Variants in SLC4A1 observed in about 807,000 individuals in gnomAD.
SLC4A1 encodes band 3 anion transport protein.
A neutral mutation model predicts 93.1 loss-of-function variants in SLC4A1; 29 were observed. The observed-to-expected ratio is 0.31, with a 90% confidence interval of 0.23 to 0.42. The LOEUF is 0.42. SLC4A1 is among the 20% of genes least tolerant of loss of function. The pLI is 1.00. For synonymous variants in SLC4A1, 469 were observed against 497.2 expected, an observed-to-expected ratio of 0.94 and a Z score of 0.76; for missense variants, 965 against 1,190.1, an observed-to-expected ratio of 0.81 and a Z score of 2.78.
rs1031180777 is a variant in SLC4A1, at chr17:44,253,667, A to AT, written c.2058-297dup. On this transcript the variant is annotated intron_variant, in intron 16 of 19. Transcript: ENST00000262418. ...CCTAATTTTATAGTTGTCATTTTGC[A>AT]TTTTTTTTTCTTTTTCTTTTTTTTC... 2.7e-5 allele frequency among the ~76,000 whole-genome samples: 4 copies of AT among 150,914 alleles called. No individual in the cohort carries two copies. In the South Asian group the frequency reaches 6.3e-4, roughly 24 times the overall value.
rs2047405002 is a variant in SLC4A1, at chr17:44,257,969, C to A, written c.1282+17G>T. On this transcript the variant is annotated intron_variant, in intron 11 of 19. Coordinates refer to ENST00000262418, the MANE Select transcript of SLC4A1 (RefSeq NM_000342.4). ...GGGTCAGAGGCAAGAGTTAGGGAGA[C>A]AGGTATTGGCACTGACCCAGGAGGC... 6.2e-7 allele frequency: 1 copy of A among 1,613,722 alleles called. No homozygotes were observed.
Position 44,255,816 on chromosome 17 carries a change from A to G in SLC4A1, c.1657T>C (p.Tyr553His). 3 of 1,614,130 alleles carry G rather than the reference A, an allele frequency of 1.9e-6. No individual in the cohort carries two copies. The highest frequency in any genetic ancestry group is 2.5e-6 in the Non-Finnish European group (3 of 1,180,006). ...GGCACCATCAACACGTTGTAGTTATAAGTCTTCTGTAGTGGGTGGTCCTGG... is the reference window on the plus strand; with the variant it reads ...GGCACCATCAACACGTTGTAGTTATGAGTCTTCTGTAGTGGGTGGTCCTGG... ...IFQDHPLQKT[Y>H]NYNVLMVPKP... Residue 553 changes from tyrosine (Y) to histidine (H), a missense_variant, in exon 14 of 20, where the codon TAT (tyrosine) becomes CAT (histidine). Tyr to His is a moderately conservative substitution (Grantham distance 83). This residue lies in a region of SLC4A1 where 770 missense variants were observed against 1,006.6 expected (regional missense o/e 0.76). Transcript: ENST00000262418.
At chr17:44,256,337 G>A (rs1013415350) in intron 13 of SLC4A1, among the ~76,000 whole-genome samples, 4 of 152,228 alleles carry the variant, frequency 2.6e-5, no homozygotes, top group Non-Finnish European at 4.4e-5. Context: ...GTGTGTGTGC[G>A]AGCACACATG....
intron 6 of SLC4A1, among the ~76,000 whole-genome samples, chr17:44,260,188 C>G (rs552190947): frequency 6.6e-6 from 1 of 152,310 alleles, no homozygotes; most frequent in East Asian, 1.9e-4. Context: ...AAGGGCCTTG[C>G]AGGTCTGCCC....
At chr17:44,251,962 G>T (rs1413105804) in intron 17 of SLC4A1, among the ~76,000 whole-genome samples, 1 of 146,614 alleles carries the variant, frequency 6.8e-6, no homozygotes, top group Non-Finnish European at 1.5e-5. Context: ...GGCTAGTCTT[G>T]AACTCCTGGG....
chr17:44,265,077 C>T, intron 1 of SLC4A1, among the ~76,000 whole-genome samples: 1 of 43,662 alleles, frequency 2.3e-5, no homozygotes, highest in East Asian at 7.0e-4. Context: ...TGGGGAGGGG[C>T]TGCTGATCAC....
chr17:44,248,849 GTTTTTTTTTTTTT>G lies in SLC4A1; in HGVS notation c.*1596_*1608del, dbSNP rs57466226. On this transcript the variant is annotated 3_prime_UTR_variant, in exon 20 of 20. Coordinates refer to ENST00000262418, the MANE Select transcript of SLC4A1 (RefSeq NM_000342.4). Reference sequence around the variant, plus strand: ...GCCCCCAAGGCTGATGTTTCCTTCCGTTTTTTTTTTTTTTTTTTTTTTTTTTTTGAGACAGGGT... The same window carrying G: ...GCCCCCAAGGCTGATGTTTCCTTCCGTTTTTTTTTTTTTTTGAGACAGGGT... 11 of 71,762 alleles carry G rather than the reference GTTTTTTTTTTTTT, an allele frequency of 1.5e-4. No homozygotes were observed. The highest frequency in any genetic ancestry group is 2.4e-4 in the Non-Finnish European group (10 of 42,544). The allele number at this position is 71,762 out of a possible 1,614,324, so 4.4% of individuals were successfully genotyped here.
chr17:44,251,499 T>G lies in SLC4A1; in HGVS notation c.2401A>C (p.Ser801Arg), dbSNP rs775095594. The G allele has an allele frequency of 1.9e-5, 30 of 1,614,030 alleles. No homozygotes were observed. The highest frequency in any genetic ancestry group is 2.5e-5 in the Non-Finnish European group (30 of 1,180,028). The change falls in exon 18 of 20, where the codon AGC (serine) becomes CGC (arginine). Residue 801 changes from serine (S) to arginine (R), a missense_variant. By Grantham distance (110) the Ser-to-Arg change is moderately radical. Coordinates refer to ENST00000262418, the MANE Select transcript of SLC4A1 (RefSeq NM_000342.4). ...ATGCGGTCAAAGAGCTGGATGCCGCTGAGCGACGTGACCCCCATGTAGAGG... is the reference window on the plus strand; with the variant it reads ...ATGCGGTCAAAGAGCTGGATGCCGCGGAGCGACGTGACCCCCATGTAGAGG... ...IFLYMGVTSLSGIQLFDRILL... is the reference protein window; with the variant it reads ...IFLYMGVTSLRGIQLFDRILL...
At chr17:44,254,211 G>A (rs2047368317) in intron 16 of SLC4A1, among the ~76,000 whole-genome samples, 1 of 152,040 alleles carries the variant, frequency 6.6e-6, no homozygotes, top group East Asian at 1.9e-4. Flanking sequence ...CCTGACCTCA[G>A]GTGATCTGCC....
Position 44,255,821 on chromosome 17 carries a change from T to A in SLC4A1, c.1652A>T (p.Lys551Met). The A allele has an allele frequency of 6.2e-7, 1 of 1,614,150 alleles. No homozygotes were observed. Among genetic ancestry groups the A allele is most frequent in the Non-Finnish European group, 8.5e-7 (1 of 1,180,030 alleles). Residue 551 changes from lysine to methionine, a missense_variant, in exon 14 of 20, where the codon AAG becomes ATG. This residue lies in a region of SLC4A1 where 770 missense variants were observed against 1,006.6 expected (regional missense o/e 0.76). Coordinates refer to ENST00000262418, the MANE Select transcript of SLC4A1 (RefSeq NM_000342.4). The stretch of plus-strand genomic sequence containing the variant: ...CATCAACACGTTGTAGTTATAAGTC[T>A]TCTGTAGTGGGTGGTCCTGGAAGAT... ...IKIFQDHPLQ[K>M]TYNYNVLMVP...
intron 6 of SLC4A1, among the ~76,000 whole-genome samples, chr17:44,260,154 G>A (rs1301680696): frequency 1.3e-5 from 2 of 152,190 alleles, no homozygotes; most frequent in Non-Finnish European, 2.9e-5. Flanking sequence ...GAATGACGAG[G>A]CGGGATCAAG....
In SLC4A1 at chr17:44,249,380, A is replaced by G. The variant is rs1044643592; in HGVS notation, c.*1078T>C. 1 of 297,144 alleles carries G rather than the reference A, an allele frequency of 3.4e-6. No homozygotes were observed. The highest frequency in any genetic ancestry group is 6.6e-6 in the Non-Finnish European group (1 of 152,158). The allele number at this position is 297,144 out of a possible 1,614,324, so 18.4% of individuals were successfully genotyped here. A position where few individuals can be genotyped will look rare whatever the true frequency, so the allele number is the denominator to read the frequency against. On this transcript the variant is annotated 3_prime_UTR_variant, in exon 20 of 20. Coordinates refer to ENST00000262418, the MANE Select transcript of SLC4A1 (RefSeq NM_000342.4). ...TAATGGCTCTCAAATGAGGGGCCTGAAGTTGTGTGTGAAGCCAAACTATGT... is the reference window on the plus strand; with the variant it reads ...TAATGGCTCTCAAATGAGGGGCCTGGAGTTGTGTGTGAAGCCAAACTATGT...
At chr17:44,253,733 G>A (rs550802066) in intron 16 of SLC4A1, among the ~76,000 whole-genome samples, 1 of 151,710 alleles carries the variant, frequency 6.6e-6, no homozygotes, top group Non-Finnish European at 1.5e-5. Context: ...GTGCAGTGGT[G>A]CGATTTTGGC....
intron 7 of SLC4A1, 78 bp from the exon 8 acceptor site, chr17:44,259,659 C>T: frequency 6.5e-7 from 1 of 1,528,018 alleles, no homozygotes; most frequent in Non-Finnish European, 9.1e-7. Context: ...CCTTCCCATT[C>T]TCGCTTCCCA....
At position 44,251,423 on chromosome 17, in the gene SLC4A1, T is replaced by C; in HGVS notation, c.2477A>G (p.Lys826Arg). The C allele has an allele frequency of 1.9e-6, 3 of 1,614,260 alleles. No individual in the cohort carries two copies. Among genetic ancestry groups the C allele is most frequent in the Middle Eastern group, 3.3e-4 (2 of 6,062 alleles). ...PKYHPDVPYVKRVKTWRMHLF... is the reference protein window; with the variant it reads ...PKYHPDVPYVRRVKTWRMHLF... Reference sequence around the variant, plus strand: ...AGCCAGAAAAGGGTCCTGTACCCGCTTGACGTAGGGCACATCTGGGTGATA... The same window carrying C: ...AGCCAGAAAAGGGTCCTGTACCCGCCTGACGTAGGGCACATCTGGGTGATA... Residue 826 changes from lysine to arginine, a missense_variant, in exon 18 of 20, where the codon AAG (lysine) becomes AGG (arginine). Lys to Arg is a conservative substitution (Grantham distance 26). Transcript: ENST00000262418.
rs1206817177 is a variant in SLC4A1 at position 44,260,385 on chromosome 17, C to T, written c.485+19G>A. ...GGGCCCACTGGATATGGAATCCAGGCCCTGGCAGGCAGGGGCACCTGTGTT... is the reference window on the plus strand; with the variant it reads ...GGGCCCACTGGATATGGAATCCAGGTCCTGGCAGGCAGGGGCACCTGTGTT... On this transcript the variant is annotated intron_variant, in intron 6 of 19. Transcript: ENST00000262418. The T allele has an allele frequency of 6.2e-7, 1 of 1,607,160 alleles. No homozygotes were observed.
rs1452299504 is a variant in SLC4A1 at position 44,262,920 on chromosome 17, C to A, written c.-54G>T. 2.3e-5 allele frequency: 37 copies of A among 1,613,212 alleles called. 1 individual carries two copies. The highest frequency in any genetic ancestry group is 3.1e-5 in the Non-Finnish European group (36 of 1,180,024). ...CGGTGATCTGAGCCCCCAGCATAAC[C>A]CGCACCGCGGGTCCCTGCAGCAGAG... On this transcript the variant is annotated 5_prime_UTR_variant, in exon 2 of 20. Transcript: ENST00000262418.
At position 44,262,680 on chromosome 17, in the gene SLC4A1, T is replaced by A; in HGVS notation, c.62A>T (p.Tyr21Phe). ...MMEENLEQEE[Y>F]EDPDIPESQM... ...GGACTCGGGGATGTCTGGGTCTTCA[T>A]ATTCCTCCTGCTCCAGATTCTCCTC... Residue 21 changes from tyrosine to phenylalanine, a missense_variant, in exon 3 of 20, where the codon TAT (tyrosine) becomes TTT (phenylalanine). This residue lies in a region of SLC4A1 where 195 missense variants were observed against 183.5 expected (regional missense o/e 1.06). Transcript: ENST00000262418. The A allele has an allele frequency of 6.2e-7, 1 of 1,614,066 alleles. No individual in the cohort carries two copies. Among genetic ancestry groups the A allele is most frequent in the Non-Finnish European group, 8.5e-7 (1 of 1,179,962 alleles).
At chr17:44,260,921 T>A in intron 4 of SLC4A1, 106 bp from the exon 5 acceptor site, 2 of 1,288,444 alleles carry the variant, frequency 1.6e-6, no homozygotes, top group Non-Finnish European at 2.2e-6. Context: ...TGGATCCCTG[T>A]GCTCAAGGGT....
Sources: gnomAD v4.1 joint callset for allele counts (sites outside exome capture counted in the v4.1 genomes callset) on GRCh38, gnomAD v4.1.1 for gene constraint, gnomAD v4.1.1 regional missense constraint, MANE v1.5 for transcripts, NCBI Gene and HGNC (gene_info 2026-07-23, HGNC 2026-07-21) for gene names.